Variants in NAA11 observed in about 807,000 individuals in gnomAD.
The protein encoded by NAA11 is N-alpha-acetyltransferase 11.
In NAA11, 15 loss-of-function variants were observed where a neutral mutation model predicts 16.1. The observed-to-expected ratio is 0.93, with a 90% confidence interval of 0.62 to 1.44. The LOEUF is 1.44. NAA11 is among the 40% of genes most tolerant of loss of function. NAA11 has a pLI of 0.00. For synonymous variants in NAA11, 122 were observed against 112.4 expected (o/e 1.09, Z -0.54); for missense variants, 298 against 291.3 (o/e 1.02, Z -0.17).
At chr4:79,204,211 A>G in the NAA11 span, among the ~76,000 whole-genome samples, 1 of 151,900 alleles carries the variant, frequency 6.6e-6, no homozygotes, top group African/African-American at 2.4e-5. Context: ...TAGCTGCAAA[A>G]AGGCTCATGA....
intron 2 of NAA11, among the ~76,000 whole-genome samples, chr4:79,254,432 C>G (rs1722058244): frequency 6.6e-6 from 1 of 152,034 alleles, no homozygotes; most frequent in Non-Finnish European, 1.5e-5. Context: ...GGTCTAAAGA[C>G]CAAGGTAAAC....
chr4:79,237,785 C>T (rs1721603177), intron 2 of NAA11, among the ~76,000 whole-genome samples: 1 of 152,164 alleles, frequency 6.6e-6, no homozygotes, highest in Admixed American at 6.5e-5. Flanking sequence ...TTCCAAGCTA[C>T]ATGTGGGTCA....
At chr4:79,319,891 G>A (rs929257103) in intron 1 of NAA11, among the ~76,000 whole-genome samples, 2 of 152,108 alleles carry the variant, frequency 1.3e-5, no homozygotes, top group African/African-American at 2.4e-5. Flanking sequence ...GTAAAATTAA[G>A]AACAGTCTAT....
intron 2 of NAA11, among the ~76,000 whole-genome samples, chr4:79,252,321 C>G (rs924600331): frequency 6.6e-6 from 1 of 152,020 alleles, no homozygotes; most frequent in African/African-American, 2.4e-5. Context: ...TGCATTTGTA[C>G]CCCTAAATCT....
At chr4:79,232,379 ATGT>A (rs979794430) in intron 2 of NAA11, among the ~76,000 whole-genome samples, 2 of 151,922 alleles carry the variant, frequency 1.3e-5, no homozygotes, top group African/African-American at 4.8e-5. Flanking sequence ...TCTTTCTAAA[ATGT>A]TGTGGCATGG....
chr4:79,258,197 T>G (rs946897655), intron 2 of NAA11, among the ~76,000 whole-genome samples: 5 of 152,184 alleles, frequency 3.3e-5, no homozygotes, highest in Non-Finnish European at 7.4e-5. Flanking sequence ...GACAGATGCC[T>G]GGCCATCCTG....
chr4:79,285,041 T>C (rs182719623), intron 2 of NAA11, among the ~76,000 whole-genome samples: 3 of 152,048 alleles, frequency 2.0e-5, no homozygotes, highest in Non-Finnish European at 4.4e-5. Flanking sequence ...CAATCAGATA[T>C]TACACTGTAG....
At chr4:79,239,319 A>T (rs1209864924) in intron 2 of NAA11, among the ~76,000 whole-genome samples, 1 of 152,190 alleles carries the variant, frequency 6.6e-6, no homozygotes, top group Non-Finnish European at 1.5e-5. Flanking sequence ...ACATTAATTT[A>T]TGTGCAGTTG....
chr4:79,307,887 G>T (rs1723636100), intron 1 of NAA11, among the ~76,000 whole-genome samples: 1 of 152,010 alleles, frequency 6.6e-6, no homozygotes, highest in Non-Finnish European at 1.5e-5. Flanking sequence ...CCATGTAAAG[G>T]ACATATGGAT....
intron 2 of NAA11, among the ~76,000 whole-genome samples, chr4:79,268,071 T>A (rs545436798): frequency 6.6e-6 from 1 of 152,258 alleles, no homozygotes; most frequent in East Asian, 1.9e-4. Flanking sequence ...TCTGGTATTT[T>A]AATATGGACA....
chr4:79,303,142 T>C (rs1394075316), intron 1 of NAA11, among the ~76,000 whole-genome samples: 1 of 127,570 alleles, frequency 7.8e-6, no homozygotes, highest in East Asian at 2.3e-4. Flanking sequence ...ATAAATATTT[T>C]CAAAAAGCAT....
intron 1 of NAA11, among the ~76,000 whole-genome samples, chr4:79,309,043 C>T (rs1044703444): frequency 6.6e-6 from 1 of 152,164 alleles, no homozygotes; most frequent in African/African-American, 2.4e-5. Flanking sequence ...GATAAGCATA[C>T]ACATAAAATA....
downstream of NAA11, among the ~76,000 whole-genome samples, chr4:79,312,206 C>CAA (rs1395334791): frequency 2.0e-5 from 3 of 152,166 alleles, no homozygotes; most frequent in African/African-American, 7.2e-5. Context: ...TATTATTTAA[C>CAA]AAACAGTCAA....
At chr4:79,162,238 A>G in the NAA11 span, among the ~76,000 whole-genome samples, 2 of 152,148 alleles carry the variant, frequency 1.3e-5, no homozygotes, top group African/African-American at 2.4e-5. Context: ...ATTCCCATGT[A>G]TTTCCAAAAG....
chr4:79,296,189 C>T (rs1723216020), intron 1 of NAA11, among the ~76,000 whole-genome samples: 2 of 152,296 alleles, frequency 1.3e-5, no homozygotes, highest in Middle Eastern at 3.4e-3. Flanking sequence ...TTTTGCCTTA[C>T]ATTGACCTAG....
chr4:79,265,062 C>T (rs1308974409), intron 2 of NAA11, among the ~76,000 whole-genome samples: 1 of 152,160 alleles, frequency 6.6e-6, no homozygotes, highest in African/African-American at 2.4e-5. Context: ...TTACAATTTT[C>T]CCTATCTCAA....
At chr4:79,219,763 A>G in the NAA11 span, among the ~76,000 whole-genome samples, 3 of 152,188 alleles carry the variant, frequency 2.0e-5, no homozygotes, top group African/African-American at 7.2e-5. Context: ...TTTGGAAGTA[A>G]GTCACATGTA....
chr4:79,307,392 T>C (rs1723622645), intron 1 of NAA11, among the ~76,000 whole-genome samples: 1 of 152,198 alleles, frequency 6.6e-6, no homozygotes, highest in Non-Finnish European at 1.5e-5. Flanking sequence ...TACTCAGAAG[T>C]TGGAAAATGT....
intron 2 of NAA11, among the ~76,000 whole-genome samples, chr4:79,259,378 A>G (rs1722198878): frequency 6.6e-6 from 1 of 152,162 alleles, no homozygotes; most frequent in Non-Finnish European, 1.5e-5. Flanking sequence ...TGGTCTAGCC[A>G]CAGCCTCACA....
Sources: gnomAD v4.1 joint callset for allele counts (sites outside exome capture counted in the v4.1 genomes callset) on GRCh38, gnomAD v4.1.1 for gene constraint, MANE v1.5 for transcripts, NCBI Gene and HGNC (gene_info 2026-07-23, HGNC 2026-07-21) for gene names.